The following ABCA7 variants were observed in gnomAD, a reference collection of about 807,000 sequenced individuals.
The protein encoded by ABCA7 is phospholipid-transporting ATPase ABCA7.
Under a neutral mutation model 227.6 loss-of-function variants are expected in ABCA7, and 261 were observed. That is an observed-to-expected ratio of 1.15 (90% CI 1.04 to 1.27). The LOEUF (loss-of-function observed/expected upper bound fraction) is 1.27, where lower values mean the gene tolerates loss of function less well. Ranked by LOEUF, ABCA7 falls within the 50% of genes most tolerant of loss-of-function variation. ABCA7 has a pLI of 0.00. For synonymous variants in ABCA7, 1,488 were observed against 1,279.7 expected, an observed-to-expected ratio of 1.16 and a Z score of -3.47; for missense variants, 3,331 against 2,924.5, an observed-to-expected ratio of 1.14 and a Z score of -3.21.
chr19:1,043,709 G>A lies in ABCA7; in HGVS notation c.931-16G>A. 6.2e-7 allele frequency: 1 copy of A among 1,609,966 alleles called. No individual in the cohort carries two copies. Among genetic ancestry groups the A allele is most frequent in the African/African-American group, 1.3e-5 (1 of 74,994 alleles). ...GAGGAGGAGAGGGTCATCAGTGGAG[G>A]GGGTGCTGTCCACAGGTGAACCGGA... On this transcript the variant is annotated splice_polypyrimidine_tract_variant and intron_variant, in intron 9 of 46. Transcript: ENST00000263094.
rs1388390541 is a variant in ABCA7 at position 1,054,242 on chromosome 19, C to T, written c.3627C>T (p.Gly1209=). The part of the protein sequence containing the change: ...TDQGSGPDAV[G]RVQGWALTRQ... ...AGGGCTCTGGGCCAGACGCCGTGGG[C>T]CGGGTACAGGGCTGGGCACTGACCC... Residue 1209 remains glycine, a synonymous_variant, in exon 27 of 47, where the codon GGC becomes GGT. Transcript: ENST00000263094. This position sits in a 1 kb window ranked among gnomAD's most constrained non-coding sequence, Gnocchi z 4.8. 1 of 1,608,486 alleles carries T rather than the reference C, an allele frequency of 6.2e-7. No individual in the cohort carries two copies. Among genetic ancestry groups the T allele is most frequent in the Admixed American group, 1.7e-5 (1 of 59,840 alleles).
intron 6 of ABCA7, 145 bp downstream of exon 6, chr19:1,042,542 G>A (rs781566880): frequency 1.7e-6 from 2 of 1,145,318 alleles, no homozygotes; most frequent in East Asian, 5.1e-5. Context: ...TTGTCCGTCT[G>A]GGCCCCCAGA....
At position 1,063,802 on chromosome 19, in the gene ABCA7, CT is replaced by C; in HGVS notation, c.5893del (p.Trp1965GlyfsTer14). ...TGMDPSARRFLWNSLLAVVRE... is the reference protein window; with the variant it reads ...TGMDPSARRFXWNSLLAVVRE... ...CATGGACCCCAGCGCGCGGCGCTTC[CT>C]TTGGAACAGCCTTTTGGCCGTGGTG... On this transcript the variant is annotated frameshift_variant, in exon 44 of 47. Coordinates refer to ENST00000263094, the MANE Select transcript of ABCA7 (RefSeq NM_019112.4). LOFTEE classifies it high-confidence loss of function. The C allele has an allele frequency of 1.3e-6, 2 of 1,546,532 alleles. No homozygotes were observed.
Position 1,042,096 on chromosome 19 carries a change from T to C in ABCA7, c.335T>C (p.Val112Ala). The stretch of plus-strand genomic sequence containing the variant: ...CGGCTGCTAGCCGATGCCCGCACTG[T>C]GCTGGGAGGGGCCAGTGCCCACAGG... The part of the protein sequence containing the change: ...VSRLLADART[V>A]LGGASAHRTL... Residue 112 changes from valine (V) to alanine (A), a missense_variant, in exon 5 of 47, where the codon GTG becomes GCG. Val to Ala is a moderately conservative substitution (Grantham distance 64). Transcript: ENST00000263094. The C allele has an allele frequency of 1.3e-6, 2 of 1,598,230 alleles. No homozygotes were observed. The highest frequency in any genetic ancestry group is 1.7e-6 in the Non-Finnish European group (2 of 1,178,732).
In ABCA7 at chr19:1,046,794, C is replaced by A; in HGVS notation, c.1623-8C>A. 2.0e-6 allele frequency: 3 copies of A among 1,535,876 alleles called. No homozygotes were observed. The highest frequency in any genetic ancestry group is 2.6e-6 in the Non-Finnish European group (3 of 1,146,106). On this transcript the variant is annotated splice_polypyrimidine_tract_variant and splice_region_variant and intron_variant, in intron 13 of 46. Transcript: ENST00000263094. ...CTCCAGCCTCCACCCCAGCCGTCCC[C>A]ACCCCAGGTTCCTGCGTGTGCTGAG...
At chr19:1,049,116 C>T (rs1008671900) in intron 17 of ABCA7, 111 bp downstream of exon 17, 6 of 1,043,774 alleles carry the variant, frequency 5.7e-6, no homozygotes, top group Admixed American at 2.3e-5. Context: ...AACCCTCACA[C>T]CTGCCCTGAA....
At position 1,049,262 on chromosome 19, in the gene ABCA7, G is replaced by C. The variant is rs780554041; in HGVS notation, c.2381-4G>C. The C allele has an allele frequency of 1.3e-6, 2 of 1,598,358 alleles. No individual in the cohort carries two copies. Among genetic ancestry groups the C allele is most frequent in the South Asian group, 2.2e-5 (2 of 89,688 alleles). ...CCATGGCTGAGTCCACCCCATCTCT[G>C]CAGTGCTGGTAGAAGAGGCACCGCC... On this transcript the variant is annotated splice_polypyrimidine_tract_variant and splice_region_variant and intron_variant, in intron 17 of 46. Coordinates refer to ENST00000263094, the MANE Select transcript of ABCA7 (RefSeq NM_019112.4).
At position 1,047,997 on chromosome 19, in the gene ABCA7, T is replaced by G. The variant is rs191280666; in HGVS notation, c.2269+343T>G. Among the ~76,000 whole-genome samples the G allele has an allele frequency of 1.4e-4, 21 of 151,852 alleles. No homozygotes were observed. The East Asian group carries it at 3.9e-3, about 28-fold the overall frequency. ...TGAGCCCAGGAGTTTGAGACCAGGC[T>G]GGGCAATATAGTGAGACCTCATCAA... On this transcript the variant is annotated intron_variant, in intron 16 of 46. Coordinates refer to ENST00000263094, the MANE Select transcript of ABCA7 (RefSeq NM_019112.4).
At position 1,051,483 on chromosome 19, in the gene ABCA7, C is replaced by T. The variant is rs1195022126; in HGVS notation, c.2859C>T (p.Ala953=). 2 of 1,602,158 alleles carry T rather than the reference C, an allele frequency of 1.2e-6. No homozygotes were observed. Among genetic ancestry groups the T allele is most frequent in the Non-Finnish European group, 1.7e-6 (2 of 1,174,156 alleles). ...GMQRKLSVAI[A]FVGGSQVVIL... is the part of the protein sequence containing the mutation. ...AACGGAAGCTGTCCGTGGCCATTGC[C>T]TTTGTGGGCGGCTCCCAAGTTGTTA... Residue 953 remains alanine (A), a synonymous_variant, in exon 21 of 47, where the codon GCC becomes GCT. Transcript: ENST00000263094.
intron 12 of ABCA7, chr19:1,045,688 ACG>A (rs2040562495): frequency 1.5e-5 from 2 of 132,266 alleles, no homozygotes; most frequent in East Asian, 5.1e-4. Flanking sequence ...CACCAACCTC[ACG>A]AAAATATCTT....
Position 1,047,272 on chromosome 19 carries a change from A to G in ABCA7, c.1961A>G (p.Asn654Ser). ...CTCAGCGCCTTCTTCTCCCGCGCCA[A>G]CCTGGCTGCGGCCTGCGGCGGCCTG... ...FLLSAFFSRA[N>S]LAAACGGLAY... is the part of the protein sequence containing the mutation. The change falls in exon 15 of 47, where the codon AAC becomes AGC. Residue 654 changes from asparagine to serine, a missense_variant. Transcript: ENST00000263094. 1 of 1,606,670 alleles carries G rather than the reference A, an allele frequency of 6.2e-7. No homozygotes were observed.
Position 1,063,825 on chromosome 19 carries a change from G to T in ABCA7, c.5913G>T (p.Val1971=). 1 of 1,543,368 alleles carries T rather than the reference G, an allele frequency of 6.5e-7. No homozygotes were observed. The highest frequency in any genetic ancestry group is 8.7e-7 in the Non-Finnish European group (1 of 1,144,956). ...RRFLWNSLLA[V]VREGRSVMLT... ...TCCTTTGGAACAGCCTTTTGGCCGT[G>T]GTGCGGGAGGGCCGTTCAGTGATGC... Residue 1971 remains valine (V), a synonymous_variant, in exon 44 of 47, where the codon GTG becomes GTT. Coordinates refer to ENST00000263094, the MANE Select transcript of ABCA7 (RefSeq NM_019112.4).
At chr19:1,044,920 C>A (rs916161554) in intron 11 of ABCA7, 82 bp from the exon 12 acceptor site, 2 of 1,541,260 alleles carry the variant, frequency 1.3e-6, no homozygotes, top group Non-Finnish European at 1.8e-6. Context: ...CATGGCCCAG[C>A]CCCGAGGTCC....
rs762023500 is a variant in ABCA7 at position 1,047,180 on chromosome 19, C to T, written c.1869C>T (p.Ser623=). The T allele has an allele frequency of 6.2e-7, 1 of 1,604,828 alleles. No individual in the cohort carries two copies. Among genetic ancestry groups the T allele is most frequent in the Non-Finnish European group, 8.5e-7 (1 of 1,177,618 alleles). The change falls in exon 15 of 47, where the codon AGC becomes AGT. Residue 623 remains serine (S), a synonymous_variant. Transcript: ENST00000263094. ...VLKLGDILPY[S]HPGVVFLFLA... is the part of the protein sequence containing the mutation. ...AGCTGGGAGACATCCTCCCCTACAGCCACCCGGGCGTGGTCTTCCTGTTCT... is the reference window on the plus strand; with the variant it reads ...AGCTGGGAGACATCCTCCCCTACAGTCACCCGGGCGTGGTCTTCCTGTTCT...
chr19:1,064,215 G>A lies in ABCA7; in HGVS notation c.6006G>A (p.Arg2002=). 1 of 1,575,312 alleles carries A rather than the reference G, an allele frequency of 6.3e-7. No homozygotes were observed. The highest frequency in any genetic ancestry group is 2.4e-5 in the East Asian group (1 of 42,504). ...CSRLAIMVNG[R]FRCLGSPQHL... Reference sequence around the variant, plus strand: ...GCCTGGCCATCATGGTGAATGGGCGGTTCCGCTGCCTGGGCAGCCCGCAAC... The same window carrying A: ...GCCTGGCCATCATGGTGAATGGGCGATTCCGCTGCCTGGGCAGCCCGCAAC... Residue 2002 remains arginine, a synonymous_variant, in exon 45 of 47, where the codon CGG becomes CGA. Coordinates refer to ENST00000263094, the MANE Select transcript of ABCA7 (RefSeq NM_019112.4).
chr19:1,054,148 A>AC lies in ABCA7; in HGVS notation c.3578-38dup, dbSNP rs746753234. The AC allele has an allele frequency of 4.1e-4, 654 of 1,609,694 alleles. No individual in the cohort carries two copies. Among genetic ancestry groups the AC allele is most frequent in the Non-Finnish European group, 5.1e-4 (598 of 1,178,890 alleles). ...CAGTGGCCCTGGGGTCCTCCCAGCC[A>AC]CCCCCCCACAGCAGCGTGAGCACTG... is the stretch of plus-strand genomic sequence containing the variant. On this transcript the variant is annotated intron_variant, in intron 26 of 46. Transcript: ENST00000263094. This position sits in a 1 kb window ranked among gnomAD's most constrained non-coding sequence, Gnocchi z 4.8.
chr19:1,065,268 AG>A lies in ABCA7; in HGVS notation c.6286del. On this transcript the variant is annotated splice_acceptor_variant, in intron 46 of 46. Coordinates refer to ENST00000263094, the MANE Select transcript of ABCA7 (RefSeq NM_019112.4). LOFTEE classifies it high-confidence loss of function. ...TGTCCCCTCTGGGCTGCCCACCGCT[AG>A]GTATTCTTGTACTTCTCCAAGGACC... 1 of 1,613,032 alleles carries A rather than the reference AG, an allele frequency of 6.2e-7. No homozygotes were observed. The highest frequency in any genetic ancestry group is 8.5e-7 in the Non-Finnish European group (1 of 1,179,912).
At chr19:1,049,161 A>AG in intron 17 of ABCA7, 105 bp from the exon 18 acceptor site, 1 of 1,354,318 alleles carries the variant, frequency 7.4e-7, no homozygotes, top group Non-Finnish European at 1.0e-6. Context: ...CAGCTTTTAT[A>AG]GGCCCCGGCC....
At chr19:1,064,431 G>C (rs2042901025) in intron 45 of ABCA7, among the ~76,000 whole-genome samples, 178 bp downstream of exon 45, 1 of 152,134 alleles carries the variant, frequency 6.6e-6, no homozygotes, top group Non-Finnish European at 1.5e-5. Flanking sequence ...GGGGTGTGCT[G>C]GGGGCGCAGG....
Sources: allele counts gnomAD v4.1 joint callset (sites outside exome capture counted in the v4.1 genomes callset), GRCh38; gene constraint gnomAD v4.1.1; non-coding constraint Gnocchi (gnomAD v3.1); transcripts MANE v1.5; gene names NCBI Gene and HGNC (gene_info 2026-07-23, HGNC 2026-07-21).